The following BPTF variants were observed in gnomAD, a reference collection of about 807,000 sequenced individuals.
BPTF encodes the protein nucleosome-remodeling factor subunit BPTF.
A neutral mutation model predicts 292.5 loss-of-function variants in BPTF; 18 were observed. That is an observed-to-expected ratio of 0.06 (90% CI 0.04 to 0.09). The LOEUF (loss-of-function observed/expected upper bound fraction) is 0.09, where lower values mean the gene tolerates loss of function less well. Ranked by LOEUF, BPTF falls within the 10% of genes least tolerant of loss-of-function variation. BPTF has a pLI of 1.00. For missense variants in BPTF, 2,726 were observed against 3,498.7 expected (o/e 0.78, Z 5.57); for synonymous variants, 1,225 against 1,251.9 (o/e 0.98, Z 0.45).
In BPTF at chr17:67,843,343, G is replaced by A. The variant is rs564802839; in HGVS notation, c.614-10597G>A. ...GATTGAGTCTAGCTTTATTGCCCAG[G>A]CTGGAGTGCAGTGGTGTGATGTCGG... On this transcript the variant is annotated intron_variant, in intron 1 of 27. Transcript: ENST00000306378. Among the ~76,000 whole-genome samples, 18 of 150,396 alleles carry A rather than the reference G, an allele frequency of 1.2e-4. No individual in the cohort carries two copies. The South Asian group carries it at 3.8e-3, about 32-fold the overall frequency.
Position 67,911,039 on chromosome 17 carries a change from A to G in BPTF, c.3155A>G (p.Lys1052Arg). ...SEGFHLRTSY[K>R]KKTKSSKLDG... ...GGTTTTCATCTAAGGACTAGTTACA[A>G]AAAGAAAACAAAATCATCCAAACTA... is the stretch of plus-strand genomic sequence containing the variant. The change falls in exon 11 of 28, where the codon AAA (lysine) becomes AGA (arginine). Residue 1052 changes from lysine to arginine, a missense_variant. Coordinates refer to ENST00000306378, the MANE Select transcript of BPTF (RefSeq NM_182641.4). The G allele has an allele frequency of 6.2e-7, 1 of 1,614,136 alleles. No homozygotes were observed. Among genetic ancestry groups the G allele is most frequent in the Non-Finnish European group, 8.5e-7 (1 of 1,180,002 alleles).
rs367551787 is a variant in BPTF, at chr17:67,919,218, T to TAATAAA, written c.5428+382_5428+383insTAAAAA. ...ATAATAATAATAATAATAATAATAA[T>TAATAAA]AAAATATAATGCTTGTTTTTTAGAA... On this transcript the variant is annotated intron_variant, in intron 12 of 27. Coordinates refer to ENST00000306378, the MANE Select transcript of BPTF (RefSeq NM_182641.4). Among the ~76,000 whole-genome samples the TAATAAA allele has an allele frequency of 2.3e-3, 294 of 126,230 alleles. 1 individual carries two copies. The East Asian group carries it at 0.025, about 11-fold the overall frequency. The allele number at this position is 126,230 out of a possible 152,430, so 82.8% of individuals were successfully genotyped here.
At chr17:67,833,579 T>C (rs1213649457) in intron 1 of BPTF, among the ~76,000 whole-genome samples, 5 of 151,798 alleles carry the variant, frequency 3.3e-5, no homozygotes, top group South Asian at 2.1e-4. Flanking sequence ...TTCTTTCTTT[T>C]TTTTTTTTTT....
chr17:67,848,685 C>T (rs1022135022), intron 1 of BPTF, among the ~76,000 whole-genome samples: 4 of 152,092 alleles, frequency 2.6e-5, no homozygotes, highest in African/African-American at 4.8e-5. Flanking sequence ...CCAGTTCATC[C>T]GAACAGTTCA....
chr17:67,853,598 A>T (rs929204556), intron 1 of BPTF, among the ~76,000 whole-genome samples: 13 of 150,524 alleles, frequency 8.6e-5, no homozygotes, highest in East Asian at 1.9e-4. Context: ...GCAGTTATTT[A>T]TTATTATTAT....
At chr17:67,966,497 G>A in intron 25 of BPTF, 75 bp from the exon 26 acceptor site, 3 of 1,327,278 alleles carry the variant, frequency 2.3e-6, no homozygotes, top group African/African-American at 1.5e-5. Flanking sequence ...GTTCATTGAT[G>A]TAGTAACTCA....
chr17:67,886,293 C>A (rs757510296), intron 4 of BPTF: 2 of 1,613,092 alleles, frequency 1.2e-6, no homozygotes, highest in Admixed American at 3.3e-5. Context: ...TCTCATACAC[C>A]TGTCTCTATT....
At chr17:67,875,672 C>G (rs376602912) in intron 4 of BPTF, 7 of 1,607,248 alleles carry the variant, frequency 4.4e-6, no homozygotes, top group Admixed American at 1.7e-5. Flanking sequence ...TGTGGGGTGT[C>G]TCTCAGAAAC....
intron 1 of BPTF, among the ~76,000 whole-genome samples, chr17:67,830,629 G>A (rs914245648): frequency 3.3e-5 from 5 of 150,774 alleles, no homozygotes; most frequent in African/African-American, 1.2e-4. Flanking sequence ...TTGAGGGAGG[G>A]AGGGAGGGAG....
In BPTF at chr17:67,854,874, A is replaced by G; in HGVS notation, c.1436+112A>G. Reference sequence around the variant, plus strand: ...ATGTGGTATAAACCTTTGTAACTTAATAGTTATACAGTTAAATAATTTCTT... The same window carrying G: ...ATGTGGTATAAACCTTTGTAACTTAGTAGTTATACAGTTAAATAATTTCTT... On this transcript the variant is annotated intron_variant, in intron 2 of 27. Coordinates refer to ENST00000306378, the MANE Select transcript of BPTF (RefSeq NM_182641.4). This position sits in a 1 kb window ranked among gnomAD's most constrained non-coding sequence, Gnocchi z 5.6. 1.4e-6 allele frequency: 1 copy of G among 701,796 alleles called. No individual in the cohort carries two copies. The highest frequency in any genetic ancestry group is 2.0e-5 in the South Asian group (1 of 50,812). 43.5% of individuals were successfully genotyped at this position (701,796 alleles called of 1,614,324 possible). A position where few individuals can be genotyped will look rare whatever the true frequency, so the allele number is the denominator to read the frequency against.
chr17:67,906,343 T>C (rs1023312719), intron 9 of BPTF, among the ~76,000 whole-genome samples: 1 of 152,194 alleles, frequency 6.6e-6, no homozygotes, highest in Non-Finnish European at 1.5e-5. Flanking sequence ...CCTCCCAAAG[T>C]GCTGGGATTA....
chr17:67,883,838 T>G (rs2060577144), intron 4 of BPTF, among the ~76,000 whole-genome samples: 1 of 152,148 alleles, frequency 6.6e-6, no homozygotes, highest in Non-Finnish European at 1.5e-5. Flanking sequence ...TGAGCTCATG[T>G]TCCACCTGCC....
At chr17:67,931,244 G>A (rs569465279) in intron 17 of BPTF, among the ~76,000 whole-genome samples, 9 of 152,234 alleles carry the variant, frequency 5.9e-5, no homozygotes, top group East Asian at 5.8e-4. Context: ...CAGCCTGGGC[G>A]AAAGAGCGAG....
At chr17:67,827,838 T>C (rs1216054219) in intron 1 of BPTF, among the ~76,000 whole-genome samples, 1 of 152,142 alleles carries the variant, frequency 6.6e-6, no homozygotes, top group African/African-American at 2.4e-5. Flanking sequence ...GCAGGCTGTC[T>C]GGTGAATGAA....
At chr17:67,924,951 G>C (rs538988055) in intron 15 of BPTF, among the ~76,000 whole-genome samples, 70 of 151,028 alleles carry the variant, frequency 4.6e-4, no homozygotes, top group Middle Eastern at 3.5e-3. Flanking sequence ...GCTTCGCCGT[G>C]TTCCCCAGGC....
chr17:67,837,669 C>G (rs954529498), intron 1 of BPTF, among the ~76,000 whole-genome samples: 3 of 152,218 alleles, frequency 2.0e-5, no homozygotes, highest in African/African-American at 7.2e-5. Context: ...CTTGGCCTCT[C>G]AAAGTGCTGG....
At position 67,904,874 on chromosome 17, in the gene BPTF, G is replaced by A. The variant is rs151082055; in HGVS notation, c.2812+34G>A. Reference sequence around the variant, plus strand: ...TTAAAATTACATGTCCTGCATAATCGTTTCTGCTTTATATTTCTTATAAAT... The same window carrying A: ...TTAAAATTACATGTCCTGCATAATCATTTCTGCTTTATATTTCTTATAAAT... On this transcript the variant is annotated intron_variant, in intron 9 of 27. Transcript: ENST00000306378. The A allele has an allele frequency of 2.0e-4, 301 of 1,524,468 alleles. 2 individuals carry two copies. In the African/African-American group the frequency reaches 2.8e-3, roughly 14 times the overall value. 94.4% of individuals were successfully genotyped at this position (1,524,468 alleles called of 1,614,324 possible). A position where few individuals can be genotyped will look rare whatever the true frequency, so the allele number is the denominator to read the frequency against.
intron 27 of BPTF, 51 bp downstream of exon 27, chr17:67,976,009 T>C (rs782103969): frequency 2.1e-6 from 3 of 1,416,166 alleles, no homozygotes; most frequent in Non-Finnish European, 2.9e-6. Flanking sequence ...TCACACTCTT[T>C]ATACTATTCT....
In BPTF at chr17:67,826,788, A is replaced by G. The variant is rs533247408; in HGVS notation, c.613+451A>G. Among the ~76,000 whole-genome samples, 159 of 152,264 alleles carry G rather than the reference A, an allele frequency of 1.0e-3. 1 individual carries two copies. The highest frequency in any genetic ancestry group is 1.6e-3 in the Admixed American group (24 of 15,288). ...GGTTTCTTTCGGATTTTTATTATAT[A>G]TCTGTTACTTAAAAGGGAATTAAGG... On this transcript the variant is annotated intron_variant, in intron 1 of 27. Transcript: ENST00000306378.
Sources: allele counts gnomAD v4.1 joint callset (sites outside exome capture counted in the v4.1 genomes callset), GRCh38; gene constraint gnomAD v4.1.1; non-coding constraint Gnocchi (gnomAD v3.1); transcripts MANE v1.5; gene names NCBI Gene and HGNC (gene_info 2026-07-23, HGNC 2026-07-21).